DAB1: variants seen among roughly 807,000 people sequenced by gnomAD.
DAB1 encodes disabled homolog 1.
DAB1 carries 15 observed loss-of-function variants against 64.6 expected under a neutral mutation model. The observed-to-expected ratio is 0.23, with a 90% CI of 0.16 to 0.36. DAB1 has a LOEUF of 0.36. Ranked by LOEUF, DAB1 falls within the 10% of genes least tolerant of loss-of-function variation. The pLI, the probability that DAB1 is intolerant of heterozygous loss-of-function variation, is 1.00. For missense variants in DAB1, 596 were observed against 706.7 expected (o/e 0.84, Z 1.78); for synonymous variants, 235 against 251.9 (o/e 0.93, Z 0.64).
intron 6 of DAB1, among the ~76,000 whole-genome samples, chr1:57,672,927 G>A (rs1235810202): frequency 1.3e-5 from 2 of 152,154 alleles, no homozygotes; most frequent in Admixed American, 6.5e-5. Context: ...ATTGCTTTGG[G>A]GTTGAACCTA....
chr1:58,506,214 A>T (rs1228989513), intron 2 of DAB1: 1 of 862,736 alleles, frequency 1.2e-6, no homozygotes, highest in Admixed American at 1.7e-5. Flanking sequence ...ACAAGCCTAA[A>T]ACCAAAATTA....
At chr1:57,958,525 C>T (rs1490790262) in intron 5 of DAB1, among the ~76,000 whole-genome samples, 1 of 152,184 alleles carries the variant, frequency 6.6e-6, no homozygotes, top group Middle Eastern at 3.2e-3. Context: ...ATCTCACCTA[C>T]CTCTTGAGTA....
At chr1:58,256,559 C>T (rs141747201) in intron 4 of DAB1, among the ~76,000 whole-genome samples, 65 of 152,152 alleles carry the variant, frequency 4.3e-4, no homozygotes, top group African/African-American at 1.5e-3. Context: ...TCAGAAGCAC[C>T]CGTACAATGC....
chr1:57,780,290 T>C (rs1339368813), intron 6 of DAB1, among the ~76,000 whole-genome samples: 1 of 152,170 alleles, frequency 6.6e-6, no homozygotes, highest in Non-Finnish European at 1.5e-5. Flanking sequence ...AAATTAAATA[T>C]AAAGTTATCC....
intron 7 of DAB1, among the ~76,000 whole-genome samples, chr1:57,635,095 G>T (rs1378654063): frequency 6.6e-6 from 1 of 152,160 alleles, no homozygotes; most frequent in African/African-American, 2.4e-5. Context: ...GCTAACGGAG[G>T]TGAGGACAGT....
At chr1:57,674,792 C>T (rs1054895956) in intron 6 of DAB1, among the ~76,000 whole-genome samples, 7 of 152,218 alleles carry the variant, frequency 4.6e-5, no homozygotes, top group Middle Eastern at 6.8e-3. Context: ...ATTGTTCTCC[C>T]CTTGGAGACC....
intron 6 of DAB1, among the ~76,000 whole-genome samples, chr1:57,763,542 G>T (rs1649176874): frequency 6.6e-6 from 1 of 152,080 alleles, no homozygotes; most frequent in South Asian, 2.1e-4. Context: ...AGCTGGGTGT[G>T]GTGGTGTATC....
At chr1:57,935,238 A>G (rs1363617191) in intron 5 of DAB1, among the ~76,000 whole-genome samples, 5 of 152,194 alleles carry the variant, frequency 3.3e-5, no homozygotes, top group Non-Finnish European at 7.3e-5. Context: ...TCCTGGATCT[A>G]TCACTTTCCA....
chr1:57,624,549 T>C (rs1429683136), intron 7 of DAB1, among the ~76,000 whole-genome samples: 1 of 152,238 alleles, frequency 6.6e-6, no homozygotes, highest in East Asian at 1.9e-4. Flanking sequence ...CACCCTTAAC[T>C]GTGTATTTAT....
intron 1 of DAB1, among the ~76,000 whole-genome samples, chr1:57,879,468 A>T (rs1189595614): frequency 6.6e-6 from 1 of 152,120 alleles, no homozygotes; most frequent in Non-Finnish European, 1.5e-5. Flanking sequence ...GACTAGCACT[A>T]CTCATCCTAA....
intron 3 of DAB1, among the ~76,000 whole-genome samples, chr1:58,443,999 C>T (rs1364490435): frequency 6.6e-6 from 1 of 152,196 alleles, no homozygotes; most frequent in Admixed American, 6.5e-5. Flanking sequence ...CACTCAGATG[C>T]TTTTGTGAAG....
intron 7 of DAB1, among the ~76,000 whole-genome samples, chr1:57,557,972 A>G (rs1345644528): frequency 1.3e-5 from 2 of 152,152 alleles, no homozygotes; most frequent in Non-Finnish European, 2.9e-5. Context: ...AAGAGCTGAA[A>G]TTGTGGAAAA....
chr1:57,483,946 T>C (rs1039416965), intron 7 of DAB1, among the ~76,000 whole-genome samples: 3 of 152,052 alleles, frequency 2.0e-5, no homozygotes, highest in African/African-American at 7.2e-5. Context: ...AATAGGAAAA[T>C]CAACGAATAA....
At chr1:57,202,022 G>A (rs1665145299) in intron 2 of DAB1, among the ~76,000 whole-genome samples, 1 of 152,162 alleles carries the variant, frequency 6.6e-6, no homozygotes. Flanking sequence ...CCATCTTTAA[G>A]GATTCCCTTC....
intron 7 of DAB1, among the ~76,000 whole-genome samples, chr1:57,572,611 C>G (rs1645205835): frequency 6.6e-6 from 1 of 152,038 alleles, no homozygotes; most frequent in Non-Finnish European, 1.5e-5. Flanking sequence ...AATATTTAGG[C>G]CTGGCATATA....
chr1:58,214,162 C>T (rs935451010), intron 4 of DAB1, among the ~76,000 whole-genome samples: 1 of 152,152 alleles, frequency 6.6e-6, no homozygotes, highest in Admixed American at 6.5e-5. Context: ...GGCTCTGTGA[C>T]CTCAAAATCC....
intron 6 of DAB1, among the ~76,000 whole-genome samples, chr1:57,759,472 G>T (rs757242914): frequency 1.7e-4 from 26 of 152,098 alleles, no homozygotes; most frequent in Non-Finnish European, 3.7e-4. Flanking sequence ...AATTATTTTG[G>T]CATGATGATA....
At chr1:57,280,492 G>C (rs1206330287) in intron 2 of DAB1, among the ~76,000 whole-genome samples, 1 of 152,178 alleles carries the variant, frequency 6.6e-6, no homozygotes, top group Non-Finnish European at 1.5e-5. Context: ...AGACTCTCCA[G>C]CTCCGTGAAA....
intron 3 of DAB1, among the ~76,000 whole-genome samples, chr1:58,495,884 C>T (rs141680560): frequency 1.2e-3 from 185 of 152,246 alleles, no homozygotes; most frequent in Middle Eastern, 6.8e-3. Context: ...GTCATTCTTA[C>T]TCTTGTATGC....
Sources: allele counts gnomAD v4.1 joint callset (sites outside exome capture counted in the v4.1 genomes callset), GRCh38; gene constraint gnomAD v4.1.1; transcripts MANE v1.5; gene names NCBI Gene and HGNC (gene_info 2026-07-23, HGNC 2026-07-21).